Variants in ABCA4 observed in about 807,000 individuals in gnomAD.
The protein encoded by ABCA4 is ATP binding cassette subfamily A member 4, also known as retinal-specific phospholipid-transporting ATPase ABCA4.
ABCA4 carries 196 observed loss-of-function variants against 263.7 expected under a neutral mutation model. The ratio of observed to expected loss-of-function variants is 0.74; its 90% CI spans 0.66 to 0.84. The LOEUF is 0.84. Among genes scored for constraint, ABCA4 ranks in the 40% least tolerant of loss-of-function variants. The pLI, the probability that ABCA4 is intolerant of heterozygous loss-of-function variation, is 0.00. For synonymous variants in ABCA4, 1,133 were observed against 1,094.2 expected (o/e 1.04, Z -0.70); for missense variants, 2,792 against 2,855.1 (o/e 0.98, Z 0.50).
intron 16 of ABCA4, among the ~76,000 whole-genome samples, chr1:94,052,658 G>GA (rs1660871213): frequency 1.3e-5 from 2 of 152,170 alleles, no homozygotes; most frequent in African/African-American, 4.8e-5. Context: ...TAGTAGGATA[G>GA]AAAAAACAGA....
chr1:93,996,502 A>G (rs1659006981), intron 48 of ABCA4, among the ~76,000 whole-genome samples: 1 of 152,150 alleles, frequency 6.6e-6, no homozygotes, highest in Admixed American at 6.5e-5. Flanking sequence ...CAGCATCCTA[A>G]TAACTAAAAA....
chr1:94,083,343 G>A lies in ABCA4; in HGVS notation c.858+9C>T. ...ATGAAATTATAATTACTACCATCAG[G>A]CTACTCACCTCTTGAATTCTTGGTG... On this transcript the variant is annotated intron_variant, in intron 7 of 49. Coordinates refer to ENST00000370225, the MANE Select transcript of ABCA4 (RefSeq NM_000350.3). The A allele has an allele frequency of 2.5e-6, 4 of 1,580,794 alleles. No homozygotes were observed. The South Asian group carries it at 4.4e-5, about 17-fold the overall frequency.
At chr1:94,114,974 G>A (rs1414071298) in intron 1 of ABCA4, among the ~76,000 whole-genome samples, 3 of 152,220 alleles carry the variant, frequency 2.0e-5, no homozygotes, top group Admixed American at 1.3e-4. Flanking sequence ...CGGAATGAGT[G>A]AGCCTTTGTC....
chr1:94,080,445 G>A (rs746722655), intron 8 of ABCA4, 33 bp downstream of exon 8: 47 of 1,613,686 alleles, frequency 2.9e-5, no homozygotes, highest in Non-Finnish European at 3.9e-5. Context: ...CAACATGAGA[G>A]GCCAATTTAT....
chr1:94,036,791 G>T lies in ABCA4; in HGVS notation c.3814-3C>A. On this transcript the variant is annotated splice_polypyrimidine_tract_variant and splice_region_variant and intron_variant, in intron 25 of 49. Transcript: ENST00000370225. ...TCCTCCGTGACCTTCAGAAAAATCT[G>T]TCAAGAAGAAAAAAAGAGAGAATTT... is the stretch of plus-strand genomic sequence containing the variant. 1 of 1,613,870 alleles carries T rather than the reference G, an allele frequency of 6.2e-7. No homozygotes were observed. Among genetic ancestry groups the T allele is most frequent in the Non-Finnish European group, 8.5e-7 (1 of 1,179,792 alleles).
intron 30 of ABCA4, 130 bp downstream of exon 30, chr1:94,029,315 T>C: frequency 1.1e-6 from 1 of 906,352 alleles, no homozygotes; most frequent in Non-Finnish European, 1.6e-6. Flanking sequence ...GTGCAGGGAG[T>C]TTGGTTTAGT....
At chr1:94,062,497 G>A in intron 13 of ABCA4, 80 bp downstream of exon 13, 2 of 1,551,128 alleles carry the variant, frequency 1.3e-6, no homozygotes, top group African/African-American at 1.4e-5. Flanking sequence ...GAAGCCTTGA[G>A]GGCACCCCCA....
rs543766834 is a variant in ABCA4, at chr1:94,014,827, T to G, written c.5313-137A>C. ...CCAGAGTCCCAGGGGACCAGAGAGA[T>G]ACTCCATTTGTTGGTCTCTGTGCCT... On this transcript the variant is annotated intron_variant, in intron 37 of 49. Transcript: ENST00000370225. 1.8e-4 allele frequency: 199 copies of G among 1,108,616 alleles called. 1 individual carries two copies. Among genetic ancestry groups the G allele is most frequent in the Non-Finnish European group, 2.6e-4 (191 of 737,158 alleles). The allele number at this position is 1,108,616 out of a possible 1,614,324, so 68.7% of individuals were successfully genotyped here.
At position 94,084,615 on chromosome 1, in the gene ABCA4, TA is replaced by T. The variant is rs566763731; in HGVS notation, c.769-1175del. ...GCATTCATATTTCAGGCTTATTTTCTAATTGTGAAATAAAAGGCCTTGTTAG... is the reference window on the plus strand; with the variant it reads ...GCATTCATATTTCAGGCTTATTTTCTATTGTGAAATAAAAGGCCTTGTTAG... On this transcript the variant is annotated intron_variant, in intron 6 of 49. Coordinates refer to ENST00000370225, the MANE Select transcript of ABCA4 (RefSeq NM_000350.3). 3.3e-5 allele frequency among the ~76,000 whole-genome samples: 5 copies of T among 152,328 alleles called. No homozygotes were observed. In the East Asian group the frequency reaches 9.6e-4, roughly 29 times the overall value.
rs148917659 is a variant in ABCA4 at position 94,042,792 on chromosome 1, T to G, written c.3297A>C (p.Ser1099=). Residue 1099 remains serine (S), a synonymous_variant, in exon 22 of 50, where the codon TCA becomes TCC. Transcript: ENST00000370225. ...GATACTTCAGGAGCAGATCCCAGATTGAGCGTCTCGAGTAAGGGTCCACCC... is the reference window on the plus strand; with the variant it reads ...GATACTTCAGGAGCAGATCCCAGATGGAGCGTCTCGAGTAAGGGTCCACCC... ...TSGVDPYSRR[S]IWDLLLKYRS... is the part of the protein sequence containing the mutation. 190 of 1,614,198 alleles carry G rather than the reference T, an allele frequency of 1.2e-4. 1 individual carries two copies. In the African/African-American group the frequency reaches 2.5e-3, roughly 21 times the overall value.
In ABCA4 at chr1:94,030,026, C is replaced by T. The variant is rs148392959; in HGVS notation, c.4353-395G>A. On this transcript the variant is annotated intron_variant, in intron 29 of 49. Coordinates refer to ENST00000370225, the MANE Select transcript of ABCA4 (RefSeq NM_000350.3). ...ATTCCTGGTGGATGTCAATGGCCTT[C>T]GCTAACTCCCTTCTCCAGACTCACA... Among the ~76,000 whole-genome samples the T allele has an allele frequency of 2.0e-3, 303 of 152,298 alleles. 1 individual carries two copies. The highest frequency in any genetic ancestry group is 6.9e-3 in the African/African-American group (286 of 41,558).
chr1:94,042,053 T>C (rs145361239), intron 22 of ABCA4, among the ~76,000 whole-genome samples: 8,467 of 142,244 alleles, frequency 0.06, 747 homozygotes, highest in African/African-American at 0.19. Context: ...GAGTGGAGAT[T>C]GCGCCACTGC....
chr1:94,053,052 A>C (rs932454691), intron 16 of ABCA4, among the ~76,000 whole-genome samples: 1 of 152,212 alleles, frequency 6.6e-6, no homozygotes, highest in Admixed American at 6.5e-5. Flanking sequence ...ACTCTCGAAC[A>C]ACAAGATTTG....
Position 94,120,867 on chromosome 1 carries a change from T to G in ABCA4, c.66+113A>C, listed in dbSNP as rs1662927075. On this transcript the variant is annotated intron_variant, in intron 1 of 49. Transcript: ENST00000370225. ...GCTAATCGGCGACAAGCCCACTGAC[T>G]GCTCACAACCCCCCACCCTGCCCCA... 8.5e-6 allele frequency: 8 copies of G among 941,806 alleles called. No homozygotes were observed. The South Asian group carries it at 9.7e-5, about 11-fold the overall frequency. The allele number at this position is 941,806 out of a possible 1,614,324, so 58.3% of individuals were successfully genotyped here.
At chr1:93,999,374 GA>G (rs1659111941) in intron 47 of ABCA4, among the ~76,000 whole-genome samples, 1 of 152,204 alleles carries the variant, frequency 6.6e-6, no homozygotes, top group Non-Finnish European at 1.5e-5. Flanking sequence ...CCAGTGTGGG[GA>G]TCCCAAGACT....
chr1:94,097,437 G>C (rs1341492394), intron 6 of ABCA4, among the ~76,000 whole-genome samples: 1 of 152,174 alleles, frequency 6.6e-6, no homozygotes, highest in Non-Finnish European at 1.5e-5. Flanking sequence ...TCATGAAACA[G>C]ACAAAACACA....
In ABCA4 at chr1:94,036,634, G is replaced by T. The variant is rs183579572; in HGVS notation, c.3862+106C>A. The T allele has an allele frequency of 9.9e-5, 125 of 1,259,212 alleles. 1 individual carries two copies. Among genetic ancestry groups the T allele is most frequent in the Middle Eastern group, 5.6e-4 (3 of 5,320 alleles). 78.0% of individuals were successfully genotyped at this position (1,259,212 alleles called of 1,614,324 possible). On this transcript the variant is annotated intron_variant, in intron 26 of 49. Transcript: ENST00000370225. ...TCCATCTGCCTTGGCCTCCCAAATT[G>T]CTGGGATTACAGGCATGAGCCACTG... is the stretch of plus-strand genomic sequence containing the variant.
At chr1:94,095,254 C>T (rs1440448563) in intron 6 of ABCA4, among the ~76,000 whole-genome samples, 1 of 151,888 alleles carries the variant, frequency 6.6e-6, no homozygotes, top group Non-Finnish European at 1.5e-5. Flanking sequence ...CGAGAGAAAA[C>T]ACAGCTGGTC....
At chr1:94,042,183 G>A (rs1450080015) in intron 22 of ABCA4, among the ~76,000 whole-genome samples, 3 of 152,122 alleles carry the variant, frequency 2.0e-5, no homozygotes, top group East Asian at 3.9e-4. Flanking sequence ...AGAAAGGCAC[G>A]GGGCAACGCT....
Sources: gnomAD v4.1 joint callset for allele counts (sites outside exome capture counted in the v4.1 genomes callset) on GRCh38, gnomAD v4.1.1 for gene constraint, MANE v1.5 for transcripts, NCBI Gene and HGNC (gene_info 2026-07-23, HGNC 2026-07-21) for gene names.